Variants in FRMD6 observed in about 807,000 individuals in gnomAD.
FRMD6 encodes the protein FERM domain containing 6.
FRMD6 carries 37 observed loss-of-function variants against 73.2 expected under a neutral mutation model. That is an observed-to-expected ratio of 0.51 (90% CI 0.39 to 0.66). The LOEUF is 0.66. Among genes scored for constraint, FRMD6 ranks in the 30% least tolerant of loss-of-function variants. The probability of loss-of-function intolerance (pLI) is 0.00; values close to 1 mark genes in which losing one functional copy is unlikely to be tolerated. For missense variants in FRMD6, 714 were observed against 780.5 expected (o/e 0.91, Z 1.02); for synonymous variants, 273 against 282.2 (o/e 0.97, Z 0.33).
intron 2 of FRMD6, among the ~76,000 whole-genome samples, chr14:51,610,329 C>CTT (rs141213133): frequency 0.011 from 1,473 of 138,638 alleles, 11 homozygotes; most frequent in Middle Eastern, 0.026. Flanking sequence ...TTTTTAATCC[C>CTT]TTTTTTTTTA....
At chr14:51,583,501 A>T (rs1158329750) in intron 2 of FRMD6, among the ~76,000 whole-genome samples, 1 of 152,210 alleles carries the variant, frequency 6.6e-6, no homozygotes, top group East Asian at 1.9e-4. Flanking sequence ...AATAGATGAT[A>T]TTTACAGAGC....
At chr14:51,615,058 TA>T (rs1890654093) in intron 2 of FRMD6, among the ~76,000 whole-genome samples, 1 of 152,042 alleles carries the variant, frequency 6.6e-6, no homozygotes, top group Admixed American at 6.6e-5. Flanking sequence ...GACTGAGGAG[TA>T]ACCTGTACTG....
the FRMD6 span, among the ~76,000 whole-genome samples, chr14:51,424,321 T>C: frequency 1.3e-5 from 2 of 152,224 alleles, no homozygotes; most frequent in Non-Finnish European, 2.9e-5. Context: ...CACAAGTGGA[T>C]ACAGACAAAC....
intron 11 of FRMD6, 65 bp downstream of exon 11, chr14:51,720,455 A>T: frequency 6.8e-7 from 1 of 1,479,096 alleles, no homozygotes; most frequent in South Asian, 1.2e-5. Context: ...CATTGGTTCT[A>T]TAGAACTGGT....
chr14:51,483,089 T>C, the FRMD6 span, among the ~76,000 whole-genome samples: 1 of 152,236 alleles, frequency 6.6e-6, no homozygotes, highest in African/African-American at 2.4e-5. Context: ...TTTTGCTTAG[T>C]TGTGTACTGG....
chr14:51,640,229 C>T (rs184797322), intron 2 of FRMD6, among the ~76,000 whole-genome samples: 39 of 152,320 alleles, frequency 2.6e-4, no homozygotes, highest in African/African-American at 8.7e-4. Context: ...TACCACATTC[C>T]TCCCCCTCCA....
chr14:51,658,522 A>G (rs186480171), intron 1 of FRMD6, among the ~76,000 whole-genome samples: 64 of 152,288 alleles, frequency 4.2e-4, no homozygotes, highest in Middle Eastern at 3.4e-3. Context: ...TCAAAAATTC[A>G]GTTTTTGGAC....
intron 2 of FRMD6, among the ~76,000 whole-genome samples, chr14:51,604,896 A>G (rs545426611): frequency 6.6e-6 from 1 of 152,290 alleles, no homozygotes; most frequent in Non-Finnish European, 1.5e-5. Context: ...TACCAAAGTG[A>G]GCACTGCTTA....
intron 2 of FRMD6, among the ~76,000 whole-genome samples, chr14:51,638,109 C>G (rs1244602605): frequency 6.6e-6 from 1 of 152,116 alleles, no homozygotes; most frequent in East Asian, 1.9e-4. Flanking sequence ...CACAGTGAAC[C>G]CTTGTGTCTA....
chr14:51,706,936 C>T (rs1594764280), intron 6 of FRMD6, among the ~76,000 whole-genome samples: 2 of 152,014 alleles, frequency 1.3e-5, no homozygotes, highest in African/African-American at 2.4e-5. Flanking sequence ...CTATTGCTGT[C>T]TGTAGCATGT....
At chr14:51,486,100 T>G (rs1882755790), upstream of FRMD6, among the ~76,000 whole-genome samples, 1 of 151,950 alleles carries the variant, frequency 6.6e-6, no homozygotes, top group Admixed American at 6.6e-5. Context: ...AGTGGCGCGA[T>G]TTCGGCTCAC....
intron 2 of FRMD6, among the ~76,000 whole-genome samples, chr14:51,616,565 A>G (rs962757013): frequency 5.9e-5 from 9 of 152,186 alleles, no homozygotes; most frequent in Non-Finnish European, 1.2e-4. Flanking sequence ...CCTCCTCAGC[A>G]GCAGTGTTAT....
chr14:51,688,561 G>A (rs1895335322), intron 1 of FRMD6, among the ~76,000 whole-genome samples: 1 of 152,078 alleles, frequency 6.6e-6, no homozygotes, highest in South Asian at 2.1e-4. Context: ...TATTTTCTGT[G>A]AAAATTGTAT....
the FRMD6 span, among the ~76,000 whole-genome samples, chr14:51,468,932 T>C: frequency 6.6e-6 from 1 of 152,114 alleles, no homozygotes; most frequent in Admixed American, 6.5e-5. Flanking sequence ...GTTTTTTTGT[T>C]TGTTTGTTTT....
chr14:51,419,985 G>GGGAC, the FRMD6 span, among the ~76,000 whole-genome samples: 1 of 127,388 alleles, frequency 7.9e-6, no homozygotes, highest in Non-Finnish European at 1.9e-5. Context: ...GTGTGGTCAT[G>GGGAC]TGACTTCCTG....
intron 1 of FRMD6, among the ~76,000 whole-genome samples, chr14:51,677,265 T>C (rs1894452498): frequency 6.6e-6 from 1 of 152,106 alleles, no homozygotes; most frequent in South Asian, 2.1e-4. Flanking sequence ...GTTAGGGGCA[T>C]TATGCTCTCT....
the FRMD6 span, among the ~76,000 whole-genome samples, chr14:51,443,298 A>G: frequency 2.6e-5 from 4 of 152,264 alleles, no homozygotes; most frequent in African/African-American, 9.6e-5. Flanking sequence ...GCTAGCCAGA[A>G]GAACTTGAAA....
chr14:51,475,421 C>T, the FRMD6 span, among the ~76,000 whole-genome samples: 10 of 152,198 alleles, frequency 6.6e-5, no homozygotes, highest in African/African-American at 2.4e-4. Flanking sequence ...TGATTTCACC[C>T]ATTCCAAATT....
rs1226471069 is a variant in FRMD6, at chr14:51,549,581, CT to C, written c.-209-20758del. Among the ~76,000 whole-genome samples the C allele has an allele frequency of 2.1e-3, 247 of 118,822 alleles. 2 individuals carry two copies. Among genetic ancestry groups the C allele is most frequent in the African/African-American group, 7.3e-3 (228 of 31,076 alleles). The allele number at this position is 118,822 out of a possible 152,430, so 78.0% of individuals were successfully genotyped here. On this transcript the variant is annotated intron_variant, in intron 1 of 14. Transcript: ENST00000356218. ...CCTATTTCCACAGCTGGAGTATAAA[CT>C]TTTTTTTTCTTTCTTTTTTTTTTTT...
Sources: gnomAD v4.1 joint callset for allele counts (sites outside exome capture counted in the v4.1 genomes callset) on GRCh38, gnomAD v4.1.1 for gene constraint, MANE v1.5 for transcripts, NCBI Gene and HGNC (gene_info 2026-07-23, HGNC 2026-07-21) for gene names.